Variants in TMEM132A observed in about 807,000 individuals in gnomAD.
TMEM132A encodes the protein GRP78-binding protein.
In TMEM132A, 48 loss-of-function variants were observed where a neutral mutation model predicts 69.9. The ratio of observed to expected loss-of-function variants is 0.69; its 90% CI spans 0.55 to 0.87. TMEM132A has a LOEUF of 0.87. Among genes scored for constraint, TMEM132A ranks in the 40% least tolerant of loss-of-function variants. The pLI, the probability that TMEM132A is intolerant of heterozygous loss-of-function variation, is 0.00. For synonymous variants in TMEM132A, 577 were observed against 613.7 expected, an observed-to-expected ratio of 0.94 and a Z score of 0.88; for missense variants, 1,287 against 1,407.2, an observed-to-expected ratio of 0.91 and a Z score of 1.37.
At chr11:60,932,860 C>T (rs1856510669) in intron 7 of TMEM132A, 1 of 152,210 alleles carries the variant, frequency 6.6e-6, no homozygotes, top group Non-Finnish European at 1.5e-5. Context: ...CTTTGTCCCA[C>T]CTCTGCCTAC....
At position 60,936,149 on chromosome 11, in the gene TMEM132A, C is replaced by T. The variant is rs1305182492; in HGVS notation, c.2314C>T (p.Pro772Ser). The T allele has an allele frequency of 6.2e-7, 1 of 1,613,902 alleles. No homozygotes were observed. The highest frequency in any genetic ancestry group is 2.2e-5 in the East Asian group (1 of 44,856). ...AWLGLPPASTPAPALPSSPAW... is the reference protein window; with the variant it reads ...AWLGLPPASTSAPALPSSPAW... ...GCTGGGGCTGCCCCCTGCCTCCACT[C>T]CAGCCCCTGCTCTCCCATCCAGCCC... The change falls in exon 11 of 11, where the codon CCA becomes TCA. Residue 772 changes from proline (P) to serine (S), a missense_variant. Transcript: ENST00000453848.
At chr11:60,929,066 C>T (rs1856419489) in intron 4 of TMEM132A, 106 bp downstream of exon 4, 2 of 1,174,920 alleles carry the variant, frequency 1.7e-6, no homozygotes, top group Admixed American at 2.0e-5. Flanking sequence ...TTGACCTCTG[C>T]AAAACATGTG....
intron 7 of TMEM132A, 23 bp from the exon 8 acceptor site, chr11:60,933,519 A>G (rs512233): frequency 0.42 from 675,601 of 1,592,980 alleles, 144,149 homozygotes; most frequent in Middle Eastern, 0.49. Flanking sequence ...TAGCCCGCCC[A>G]CCTGCCCTCT....
At position 60,924,502 on chromosome 11, in the gene TMEM132A, G is replaced by A; in HGVS notation, c.-132G>A. The A allele has an allele frequency of 2.5e-6, 1 of 397,428 alleles. No homozygotes were observed. The highest frequency in any genetic ancestry group is 4.0e-6 in the Non-Finnish European group (1 of 251,784). The allele number at this position is 397,428 out of a possible 1,614,324, so 24.6% of individuals were successfully genotyped here. A position where few individuals can be genotyped will look rare whatever the true frequency, so the allele number is the denominator to read the frequency against. On this transcript the variant is annotated 5_prime_UTR_variant, in exon 1 of 11. Transcript: ENST00000453848. ...GTCTGGGAATTGCAGCCGCGGGGCG[G>A]GCGGCGGCGGCGGCGGCGGCGGCCG...
intron 3 of TMEM132A, 64 bp from the exon 4 acceptor site, chr11:60,928,565 T>G: frequency 2.0e-6 from 3 of 1,472,958 alleles, no homozygotes; most frequent in Non-Finnish European, 2.8e-6. Flanking sequence ...CCATGGGTGC[T>G]GAGAATCCTG....
At position 60,933,599 on chromosome 11, in the gene TMEM132A, G is replaced by T. The variant is rs1271089384; in HGVS notation, c.1414G>T (p.Gly472Trp). 6.2e-7 allele frequency: 1 copy of T among 1,607,340 alleles called. No homozygotes were observed. Among genetic ancestry groups the T allele is most frequent in the East Asian group, 2.2e-5 (1 of 44,850 alleles). ...VAGKESRGAR[G>W]VRVDFWWRRL... ...TGGCAAGGAGAGCCGGGGCGCCCGG[G>T]GGGTGCGAGTGGACTTCTGGTGGCG... Residue 472 changes from glycine to tryptophan, a missense_variant, in exon 8 of 11, where the codon GGG becomes TGG. Coordinates refer to ENST00000453848, the MANE Select transcript of TMEM132A (RefSeq NM_178031.3).
At chr11:60,927,939 C>T (rs1590623636) in intron 3 of TMEM132A, 80 bp downstream of exon 3, 2 of 1,305,780 alleles carry the variant, frequency 1.5e-6, no homozygotes, top group Non-Finnish European at 2.1e-6. Context: ...GAGAGGAAAC[C>T]CCCACTCCTG....
At chr11:60,934,370 A>C in intron 8 of TMEM132A, 118 bp from the exon 9 acceptor site, 1 of 948,386 alleles carries the variant, frequency 1.1e-6, no homozygotes, top group Non-Finnish European at 1.4e-6. Flanking sequence ...TTTGAGAAAC[A>C]GGAGCTGCTG....
intron 8 of TMEM132A, chr11:60,934,168 C>T (rs950810154): frequency 1.1e-5 from 4 of 375,450 alleles, no homozygotes; most frequent in Non-Finnish European, 1.9e-5. Flanking sequence ...GAGAGGTGGC[C>T]CACGCCTCTG....
Position 60,935,071 on chromosome 11 carries a change from G to A in TMEM132A, c.1837-181G>A, listed in dbSNP as rs1057253879. On this transcript the variant is annotated intron_variant, in intron 9 of 10. Coordinates refer to ENST00000453848, the MANE Select transcript of TMEM132A (RefSeq NM_178031.3). The surrounding 1 kb of genome is among the most constrained non-coding windows in gnomAD (Gnocchi z 5.0). ...ATGCACCGGGGTGCAAAGAGTAGAG[G>A]GATAGTAGCCCATGAGCCTGCTGGG... Among the ~76,000 whole-genome samples the A allele has an allele frequency of 1.3e-5, 2 of 152,136 alleles. No individual in the cohort carries two copies. Among genetic ancestry groups the A allele is most frequent in the African/African-American group, 4.8e-5 (2 of 41,408 alleles).
At position 60,935,495 on chromosome 11, in the gene TMEM132A, C is replaced by A; in HGVS notation, c.2028+52C>A. On this transcript the variant is annotated intron_variant, in intron 10 of 10. Transcript: ENST00000453848. The surrounding 1 kb of genome is among the most constrained non-coding windows in gnomAD (Gnocchi z 5.0). Reference sequence around the variant, plus strand: ...AGGTCAACATCTCCAGATGGGGGCTCATGGTAGAGGGGAATGGGAGGAAGG... The same window carrying A: ...AGGTCAACATCTCCAGATGGGGGCTAATGGTAGAGGGGAATGGGAGGAAGG... 2 of 1,530,568 alleles carry A rather than the reference C, an allele frequency of 1.3e-6. No individual in the cohort carries two copies. The highest frequency in any genetic ancestry group is 2.4e-5 in the East Asian group (1 of 42,162). The allele number at this position is 1,530,568 out of a possible 1,614,324, so 94.8% of individuals were successfully genotyped here.
Position 60,927,249 on chromosome 11 carries a change from C to T in TMEM132A, c.146C>T (p.Ala49Val), listed in dbSNP as rs1470839638. The T allele has an allele frequency of 4.3e-6, 7 of 1,613,622 alleles. No homozygotes were observed. The South Asian group carries it at 7.7e-5, about 18-fold the overall frequency. The change falls in exon 2 of 11, where the codon GCC (alanine) becomes GTC (valine). Residue 49 changes from alanine to valine, a missense_variant. By Grantham distance (64) the Ala-to-Val change is moderately conservative. Transcript: ENST00000453848. The stretch of plus-strand genomic sequence containing the variant: ...CTGGACCCTGTCTACCTGCCGGCAG[C>T]CCTGGAGCTCCTAGACGCCCCTGAA... ...APLDPVYLPA[A>V]LELLDAPEHF...
intron 8 of TMEM132A, 40 bp from the exon 9 acceptor site, chr11:60,934,448 C>T (rs2469884): frequency 0.43 from 574,552 of 1,344,984 alleles, 123,562 homozygotes; most frequent in Middle Eastern, 0.49. Flanking sequence ...GCTGGGGCCG[C>T]TCAGCGCTGA....
chr11:60,934,314 G>A (rs1856543304), intron 8 of TMEM132A, 174 bp from the exon 9 acceptor site: 4 of 538,252 alleles, frequency 7.4e-6, no homozygotes, highest in African/African-American at 4.0e-5. Flanking sequence ...GGGGCGGCTC[G>A]CCTGCAGGTG....
Position 60,934,499 on chromosome 11 carries a change from C to T in TMEM132A, c.1571C>T (p.Pro524Leu). Residue 524 changes from proline (P) to leucine (L), a missense_variant, in exon 9 of 11, where the codon CCC becomes CTC. Transcript: ENST00000453848. ...TCCCCGCCCTGCAGGCCTGCGGAAC[C>T]CGCTGCAGAGGCGTCGGATGAGGCC... ...VPGPAEGPAE[P>L]AAEASDEAER... The T allele has an allele frequency of 7.1e-7, 1 of 1,399,074 alleles. No homozygotes were observed. Among genetic ancestry groups the T allele is most frequent in the African/African-American group, 1.5e-5 (1 of 66,016 alleles). 86.7% of individuals were successfully genotyped at this position (1,399,074 alleles called of 1,614,324 possible).
At position 60,935,951 on chromosome 11, in the gene TMEM132A, G is replaced by A. The variant is rs77148561; in HGVS notation, c.2116G>A (p.Val706Ile). 5.6e-3 allele frequency: 8,949 copies of A among 1,611,734 alleles called. 38 individuals carry two copies. Among genetic ancestry groups the A allele is most frequent in the Non-Finnish European group, 6.2e-3 (7,310 of 1,179,956 alleles). The change falls in exon 11 of 11, where the codon GTC (valine) becomes ATC (isoleucine). Residue 706 changes from valine to isoleucine, a missense_variant. Coordinates refer to ENST00000453848, the MANE Select transcript of TMEM132A (RefSeq NM_178031.3). This position sits in a 1 kb window ranked among gnomAD's most constrained non-coding sequence, Gnocchi z 5.0. Reference protein sequence around the residue: ...LYDRRDLGLSVSAEEPGAILP... With the variant: ...LYDRRDLGLSISAEEPGAILP... ...CGACCGCCGTGACCTGGGACTGTCCGTCTCAGCCGAGGAGCCTGGTGCCAT... is the reference window on the plus strand; with the variant it reads ...CGACCGCCGTGACCTGGGACTGTCCATCTCAGCCGAGGAGCCTGGTGCCAT...
At chr11:60,933,343 C>T (rs960263310) in intron 7 of TMEM132A, 199 bp from the exon 8 acceptor site, 4 of 585,068 alleles carry the variant, frequency 6.8e-6, no homozygotes, top group Non-Finnish European at 1.2e-5. Context: ...CCACCACACC[C>T]GGCTGATTTA....
Position 60,935,146 on chromosome 11 carries a change from C to T in TMEM132A, c.1837-106C>T, listed in dbSNP as rs1856562528. The T allele has an allele frequency of 3.6e-6, 4 of 1,121,754 alleles. No homozygotes were observed. The highest frequency in any genetic ancestry group is 5.1e-6 in the Non-Finnish European group (4 of 788,026). The allele number at this position is 1,121,754 out of a possible 1,614,324, so 69.5% of individuals were successfully genotyped here. On this transcript the variant is annotated intron_variant, in intron 9 of 10. Coordinates refer to ENST00000453848, the MANE Select transcript of TMEM132A (RefSeq NM_178031.3). The surrounding 1 kb of genome is among the most constrained non-coding windows in gnomAD (Gnocchi z 5.0). ...GGCTGTCCGTGGCGAAGACCTCCCC[C>T]ACCTCCGGAGGGCAGCCCGTGAGGG...
rs756424039 is a variant in TMEM132A at position 60,934,523 on chromosome 11, C to A, written c.1595C>A (p.Ala532Asp). ...AEPAAEASDE[A>D]ERRARGCHLQ... is the part of the protein sequence containing the mutation. ...CCCGCTGCAGAGGCGTCGGATGAGG[C>A]CGAGCGGCGCGCCCGTGGCTGCCAC... The change falls in exon 9 of 11, where the codon GCC (alanine) becomes GAC (aspartate). Residue 532 changes from alanine to aspartate, a missense_variant. Physicochemically the swap from Ala to Asp is moderately radical, Grantham distance 126. Coordinates refer to ENST00000453848, the MANE Select transcript of TMEM132A (RefSeq NM_178031.3). 1.4e-6 allele frequency: 2 copies of A among 1,449,004 alleles called. No individual in the cohort carries two copies. Among genetic ancestry groups the A allele is most frequent in the South Asian group, 2.9e-5 (2 of 69,574 alleles). 89.8% of individuals were successfully genotyped at this position (1,449,004 alleles called of 1,614,324 possible). A position where few individuals can be genotyped will look rare whatever the true frequency, so the allele number is the denominator to read the frequency against.
Sources: gnomAD v4.1 joint callset for allele counts (sites outside exome capture counted in the v4.1 genomes callset) on GRCh38, gnomAD v4.1.1 for gene constraint, Gnocchi (gnomAD v3.1) non-coding constraint, MANE v1.5 for transcripts, NCBI Gene and HGNC (gene_info 2026-07-23, HGNC 2026-07-21) for gene names.